The following CCDC15 variants were observed in gnomAD, a reference collection of about 807,000 sequenced individuals.
The protein encoded by CCDC15 is coiled-coil domain-containing protein 15.
CCDC15 carries 105 observed loss-of-function variants against 114.5 expected under a neutral mutation model. The ratio of observed to expected loss-of-function variants is 0.92; its 90% CI spans 0.78 to 1.08. The LOEUF (loss-of-function observed/expected upper bound fraction) is 1.08. Ranked by LOEUF, CCDC15 falls within the 50% of genes least tolerant of loss-of-function variation. The pLI is 0.00. For synonymous variants in CCDC15, 334 were observed against 377.8 expected (o/e 0.88, Z 1.34); for missense variants, 1,105 against 1,093.6 (o/e 1.01, Z -0.15).
intron 11 of CCDC15, among the ~76,000 whole-genome samples, chr11:124,996,471 A>G (rs1210454275): frequency 3.9e-5 from 6 of 152,220 alleles, no homozygotes; most frequent in Non-Finnish European, 5.9e-5. Flanking sequence ...CAAGAGTTGT[A>G]TGCATCCTTT....
chr11:125,009,335 A>T (rs1023120197), intron 13 of CCDC15, among the ~76,000 whole-genome samples: 7 of 152,230 alleles, frequency 4.6e-5, no homozygotes, highest in African/African-American at 1.7e-4. Flanking sequence ...TATGTGTAAT[A>T]GTTTGAAATT....
At chr11:124,969,039 T>C (rs1947834607) in intron 4 of CCDC15, among the ~76,000 whole-genome samples, 2 of 152,200 alleles carry the variant, frequency 1.3e-5, no homozygotes, top group South Asian at 4.1e-4. Flanking sequence ...GCACTTCAAG[T>C]ATTTGATTAT....
Position 124,988,041 on chromosome 11 carries a change from C to T in CCDC15, c.1815C>T (p.Asp605=). ...KDQNILPICQ[D]RDFLPRDLHV... Reference sequence around the variant, plus strand: ...AAAATATTCTACCCATATGTCAGGACCGGGATTTTCTACCCAGAGACCTGC... The same window carrying T: ...AAAATATTCTACCCATATGTCAGGATCGGGATTTTCTACCCAGAGACCTGC... The change falls in exon 8 of 16, where the codon GAC becomes GAT. Residue 605 remains aspartate (D), a synonymous_variant. Coordinates refer to ENST00000344762, the MANE Select transcript of CCDC15 (RefSeq NM_025004.3). The T allele has an allele frequency of 6.2e-7, 1 of 1,613,872 alleles. No individual in the cohort carries two copies.
At chr11:125,010,157 C>G (rs540893365) in intron 13 of CCDC15, among the ~76,000 whole-genome samples, 6 of 152,200 alleles carry the variant, frequency 3.9e-5, no homozygotes, top group Non-Finnish European at 8.8e-5. Flanking sequence ...TCCCTTTTCT[C>G]TGCAGCCTTG....
chr11:124,961,982 G>A (rs1947668783), intron 4 of CCDC15, among the ~76,000 whole-genome samples: 2 of 152,044 alleles, frequency 1.3e-5, no homozygotes, highest in African/African-American at 4.8e-5. Context: ...AGGAAATCAG[G>A]TTATGAAAAA....
At chr11:125,003,294 T>A (rs2135514034) in intron 11 of CCDC15, among the ~76,000 whole-genome samples, 1 of 152,092 alleles carries the variant, frequency 6.6e-6, no homozygotes, top group East Asian at 1.9e-4. Context: ...GATGAAATAA[T>A]TTTAAACTTT....
Position 124,959,722 on chromosome 11 carries a change from C to T in CCDC15, c.328-93C>T, listed in dbSNP as rs1189954165. 4.4e-6 allele frequency: 3 copies of T among 680,466 alleles called. No individual in the cohort carries two copies. The African/African-American group carries it at 5.8e-5, about 13-fold the overall frequency. 42.2% of individuals were successfully genotyped at this position (680,466 alleles called of 1,614,324 possible). On this transcript the variant is annotated intron_variant, in intron 3 of 15. Transcript: ENST00000344762. Reference sequence around the variant, plus strand: ...AAAGCCTCTCCCCTGCCCCCCACCCCAATTTAAAATCTTCTGAACTGCTTT... The same window carrying T: ...AAAGCCTCTCCCCTGCCCCCCACCCTAATTTAAAATCTTCTGAACTGCTTT...
At chr11:125,017,478 G>A (rs960976821) in intron 13 of CCDC15, among the ~76,000 whole-genome samples, 3 of 152,128 alleles carry the variant, frequency 2.0e-5, no homozygotes, top group South Asian at 2.1e-4. Context: ...CATTCCTCAT[G>A]TGTTTGTGGT....
intron 4 of CCDC15, among the ~76,000 whole-genome samples, chr11:124,969,753 C>G (rs1947848691): frequency 6.6e-6 from 1 of 152,136 alleles, no homozygotes; most frequent in African/African-American, 2.4e-5. Context: ...CTAACCCAAA[C>G]AAGGGGAAAG....
chr11:124,955,973 G>A (rs1004523270), intron 2 of CCDC15, among the ~76,000 whole-genome samples: 1 of 152,058 alleles, frequency 6.6e-6, no homozygotes, highest in African/African-American at 2.4e-5. Flanking sequence ...GAGAAGGGAA[G>A]GGAATGATTC....
intron 13 of CCDC15, among the ~76,000 whole-genome samples, chr11:125,014,863 C>G (rs1948618036): frequency 6.6e-6 from 1 of 152,134 alleles, no homozygotes; most frequent in Admixed American, 6.6e-5. Context: ...TTTATAAAAA[C>G]ACTGAATCGT....
intron 13 of CCDC15, among the ~76,000 whole-genome samples, chr11:125,024,631 G>A (rs1948682990): frequency 6.6e-6 from 1 of 152,080 alleles, no homozygotes; most frequent in African/African-American, 2.4e-5. Context: ...GAAATGCACA[G>A]TTGATTTTTG....
intron 4 of CCDC15, among the ~76,000 whole-genome samples, chr11:124,974,354 A>G (rs900649855): frequency 6.6e-6 from 1 of 152,174 alleles, no homozygotes; most frequent in African/African-American, 2.4e-5. Context: ...AATTTGTGAG[A>G]TATAAAATAG....
At chr11:124,997,799 A>G (rs1397165741) in intron 11 of CCDC15, among the ~76,000 whole-genome samples, 1 of 152,136 alleles carries the variant, frequency 6.6e-6, no homozygotes, top group African/African-American at 2.4e-5. Context: ...AAAATTAGAC[A>G]GGCATGGTGG....
chr11:124,959,047 G>T, intron 2 of CCDC15, 68 bp from the exon 3 acceptor site: 2 of 1,088,884 alleles, frequency 1.8e-6, no homozygotes, highest in Admixed American at 3.5e-5. Flanking sequence ...ACTGTTTTGT[G>T]TTTAAAACAG....
At chr11:124,967,931 C>G (rs1293282778) in intron 4 of CCDC15, among the ~76,000 whole-genome samples, 1 of 152,164 alleles carries the variant, frequency 6.6e-6, no homozygotes, top group Admixed American at 6.5e-5. Flanking sequence ...GAGGTCCACT[C>G]CAGATCCTGT....
chr11:124,955,405 C>G (rs1239011269), intron 2 of CCDC15, among the ~76,000 whole-genome samples: 1 of 152,206 alleles, frequency 6.6e-6, no homozygotes, highest in East Asian at 1.9e-4. Context: ...GAAAGTCTAA[C>G]TAGAAATTCC....
At chr11:125,009,503 A>C (rs922261081) in intron 13 of CCDC15, among the ~76,000 whole-genome samples, 2 of 152,222 alleles carry the variant, frequency 1.3e-5, no homozygotes, top group South Asian at 4.1e-4. Context: ...TGTTTTTTAT[A>C]ATTTCAACTT....
At chr11:125,040,379 A>C (rs901380471) in intron 15 of CCDC15, among the ~76,000 whole-genome samples, 1 of 152,170 alleles carries the variant, frequency 6.6e-6, no homozygotes, top group Admixed American at 6.5e-5. Context: ...GAAGTATTAC[A>C]TGGCAACTTA....
Sources: allele counts gnomAD v4.1 joint callset (sites outside exome capture counted in the v4.1 genomes callset), GRCh38; gene constraint gnomAD v4.1.1; transcripts MANE v1.5; gene names NCBI Gene and HGNC (gene_info 2026-07-23, HGNC 2026-07-21).